CCDC138: variants seen among roughly 807,000 people sequenced by gnomAD.
The protein encoded by CCDC138 is coiled-coil domain-containing protein 138.
In CCDC138, 66 loss-of-function variants were observed where a neutral mutation model predicts 82.3. That is an observed-to-expected ratio of 0.80 (90% CI 0.66 to 0.98). CCDC138 has a LOEUF of 0.98. CCDC138 is among the 50% of genes least tolerant of loss of function. CCDC138 has a pLI of 0.00. For synonymous variants in CCDC138, 297 were observed against 265.4 expected (o/e 1.12, Z -1.16); for missense variants, 816 against 758.9 (o/e 1.08, Z -0.88).
chr2:108,854,050 T>C (rs1281908591), intron 12 of CCDC138, among the ~76,000 whole-genome samples: 1 of 117,040 alleles, frequency 8.5e-6, no homozygotes, highest in Non-Finnish European at 1.6e-5. Flanking sequence ...ATATAATAAA[T>C]TTATATTATA....
At chr2:108,822,712 A>G (rs1188718840) in intron 10 of CCDC138, among the ~76,000 whole-genome samples, 1 of 152,262 alleles carries the variant, frequency 6.6e-6, no homozygotes, top group Non-Finnish European at 1.5e-5. Context: ...GGGTCAAAGA[A>G]GAAATCCCAA....
Position 108,876,299 on chromosome 2 carries a change from CAT to C in CCDC138, c.*47_*48del. On this transcript the variant is annotated 3_prime_UTR_variant, in exon 15 of 15. Transcript: ENST00000295124. ...AGTATATGTGGTGCTTATTTATAAACATGTAGAAATTACCAAAGTAACTACAA... is the reference window on the plus strand; with the variant it reads ...AGTATATGTGGTGCTTATTTATAAACGTAGAAATTACCAAAGTAACTACAA... 9.2e-7 allele frequency: 1 copy of C among 1,091,192 alleles called. No homozygotes were observed. Among genetic ancestry groups the C allele is most frequent in the South Asian group, 2.3e-5 (1 of 43,978 alleles). The allele number at this position is 1,091,192 out of a possible 1,614,324, so 67.6% of individuals were successfully genotyped here.
intron 10 of CCDC138, among the ~76,000 whole-genome samples, chr2:108,821,178 T>G (rs1487088529): frequency 1.3e-5 from 2 of 152,090 alleles, no homozygotes; most frequent in Non-Finnish European, 2.9e-5. Context: ...GCCAACATGG[T>G]GAAACCCCAT....
chr2:108,829,606 T>C (rs1261293066), intron 10 of CCDC138, among the ~76,000 whole-genome samples: 2 of 152,150 alleles, frequency 1.3e-5, no homozygotes, highest in African/African-American at 4.8e-5. Context: ...ATTAGCCCAG[T>C]GTGGTGATGC....
At chr2:108,839,624 A>G (rs1689129571) in intron 11 of CCDC138, among the ~76,000 whole-genome samples, 1 of 152,030 alleles carries the variant, frequency 6.6e-6, no homozygotes. Context: ...GAGTATTTAA[A>G]TTTTTTGAGC....
chr2:108,862,864 C>G (rs1215550604), intron 13 of CCDC138, among the ~76,000 whole-genome samples: 1 of 151,950 alleles, frequency 6.6e-6, no homozygotes, highest in Non-Finnish European at 1.5e-5. Context: ...CTATGTTTAT[C>G]TGTTTAAAAT....
chr2:108,827,927 T>C (rs939339379), intron 10 of CCDC138, among the ~76,000 whole-genome samples: 1 of 151,594 alleles, frequency 6.6e-6, no homozygotes, highest in South Asian at 2.1e-4. Context: ...TATGTAAACA[T>C]ATATTAAAAC....
intron 6 of CCDC138, among the ~76,000 whole-genome samples, chr2:108,800,608 C>CTTTT (rs67529329): frequency 2.4e-4 from 8 of 33,490 alleles, no homozygotes; most frequent in Non-Finnish European, 2.9e-4. Flanking sequence ...CTCAGTTTAG[C>CTTTT]TTTTTTTTTT....
chr2:108,881,542 C>T (rs2105347971), downstream of CCDC138, among the ~76,000 whole-genome samples: 1 of 152,322 alleles, frequency 6.6e-6, no homozygotes, highest in Non-Finnish European at 1.5e-5. Context: ...TAGTTTGGCA[C>T]AAGAGGCCTA....
At chr2:108,836,500 A>G (rs531565298) in intron 10 of CCDC138, among the ~76,000 whole-genome samples, 5 of 152,290 alleles carry the variant, frequency 3.3e-5, no homozygotes, top group South Asian at 2.1e-4. Context: ...CCTGTTTTCA[A>G]TCCCTTTGGA....
chr2:108,805,501 G>A (rs548029710), intron 7 of CCDC138, among the ~76,000 whole-genome samples: 150 of 151,996 alleles, frequency 9.9e-4, no homozygotes, highest in Non-Finnish European at 1.6e-3. Context: ...TGAGGTGGGC[G>A]GATCACGAGG....
At chr2:108,850,304 G>A (rs902729164) in intron 12 of CCDC138, among the ~76,000 whole-genome samples, 2 of 152,200 alleles carry the variant, frequency 1.3e-5, no homozygotes, top group African/African-American at 4.8e-5. Flanking sequence ...AATGTGTTGG[G>A]TAATAGGCAG....
chr2:108,813,995 A>G (rs1473101125), intron 9 of CCDC138, among the ~76,000 whole-genome samples: 1 of 152,182 alleles, frequency 6.6e-6, no homozygotes, highest in East Asian at 1.9e-4. Flanking sequence ...TCTTCTGTTG[A>G]TAGACACCTG....
chr2:108,864,816 C>G (rs1216580904), intron 13 of CCDC138, among the ~76,000 whole-genome samples: 1 of 144,076 alleles, frequency 6.9e-6, no homozygotes, highest in African/African-American at 2.5e-5. Flanking sequence ...AAAAAATTAG[C>G]TTGGCATAAT....
At chr2:108,817,873 C>T (rs1444145647) in intron 10 of CCDC138, among the ~76,000 whole-genome samples, 1 of 152,148 alleles carries the variant, frequency 6.6e-6, no homozygotes, top group Non-Finnish European at 1.5e-5. Context: ...AGCAATAGGA[C>T]ACAAATACAC....
At chr2:108,787,999 T>A in intron 1 of CCDC138, 33 bp from the exon 2 acceptor site, 1 of 1,439,788 alleles carries the variant, frequency 6.9e-7, no homozygotes, top group Non-Finnish European at 9.4e-7. Flanking sequence ...TGATTTTTAG[T>A]ATACAAATTA....
At chr2:108,809,669 A>G (rs1683465830) in intron 7 of CCDC138, among the ~76,000 whole-genome samples, 1 of 151,968 alleles carries the variant, frequency 6.6e-6, no homozygotes, top group African/African-American at 2.4e-5. Flanking sequence ...TGATTTTTGT[A>G]TGTTGATTTT....
chr2:108,842,605 G>C (rs1016163427), intron 11 of CCDC138, among the ~76,000 whole-genome samples: 3 of 152,158 alleles, frequency 2.0e-5, no homozygotes, highest in Admixed American at 2.0e-4. Context: ...GAGGTGTGAG[G>C]GTCTGTGAGA....
rs1380788680 is a variant in CCDC138, at chr2:108,786,791, T to G, written c.-32T>G. On this transcript the variant is annotated 5_prime_UTR_variant, in exon 1 of 15. Transcript: ENST00000295124. The stretch of plus-strand genomic sequence containing the variant: ...GCGCCGCGGGTTTGATGAACGCGGT[T>G]CCCGGGGAGACTGGTACGGTTGCTG... 2 of 1,560,614 alleles carry G rather than the reference T, an allele frequency of 1.3e-6. No homozygotes were observed. The highest frequency in any genetic ancestry group is 1.7e-6 in the Non-Finnish European group (2 of 1,149,758).
Sources: gnomAD v4.1 joint callset for allele counts (sites outside exome capture counted in the v4.1 genomes callset) on GRCh38, gnomAD v4.1.1 for gene constraint, MANE v1.5 for transcripts, NCBI Gene and HGNC (gene_info 2026-07-23, HGNC 2026-07-21) for gene names.